Variants in IGF2BP3 observed in about 807,000 individuals in gnomAD.
IGF2BP3 encodes insulin-like growth factor 2 mRNA-binding protein 3.
Under a neutral mutation model 73.8 loss-of-function variants are expected in IGF2BP3, and 9 were observed. That is an observed-to-expected ratio of 0.12 (90% CI 0.07 to 0.21). The LOEUF (loss-of-function observed/expected upper bound fraction) is 0.21. Ranked by LOEUF, IGF2BP3 falls within the 10% of genes least tolerant of loss-of-function variation. The probability of loss-of-function intolerance (pLI) is 1.00; values close to 1 mark genes in which losing one functional copy is unlikely to be tolerated. For missense variants in IGF2BP3, 542 were observed against 714.0 expected (o/e 0.76, Z 2.75); for synonymous variants, 258 against 256.7 (o/e 1.01, Z -0.05).
At chr7:23,464,252 A>T (rs1788512937) in intron 2 of IGF2BP3, among the ~76,000 whole-genome samples, 1 of 152,236 alleles carries the variant, frequency 6.6e-6, no homozygotes, top group Non-Finnish European at 1.5e-5. Context: ...AGTTACATTT[A>T]AAACCCCGAT....
chr7:23,337,302 T>C (rs1454861640), intron 10 of IGF2BP3, among the ~76,000 whole-genome samples: 1 of 152,188 alleles, frequency 6.6e-6, no homozygotes, highest in Non-Finnish European at 1.5e-5. Context: ...GACAATATGA[T>C]TTTCTGAATA....
chr7:23,410,233 T>C (rs963313573), intron 3 of IGF2BP3, among the ~76,000 whole-genome samples: 1 of 151,974 alleles, frequency 6.6e-6, no homozygotes, highest in Admixed American at 6.6e-5. Flanking sequence ...GGTATGCACC[T>C]GTAGTCCCAG....
At chr7:23,386,278 T>C (rs1562717813) in intron 3 of IGF2BP3, among the ~76,000 whole-genome samples, 1 of 151,596 alleles carries the variant, frequency 6.6e-6, no homozygotes, top group Non-Finnish European at 1.5e-5. Flanking sequence ...GCAGATGGAG[T>C]GCCTGAGCCA....
intron 3 of IGF2BP3, among the ~76,000 whole-genome samples, chr7:23,389,803 G>A (rs1180405401): frequency 6.7e-6 from 1 of 149,260 alleles, no homozygotes; most frequent in Non-Finnish European, 1.5e-5. Context: ...AGACCAGCCT[G>A]GGCAACATAG....
intron 3 of IGF2BP3, among the ~76,000 whole-genome samples, chr7:23,380,223 G>A (rs1260004491): frequency 7.1e-6 from 1 of 141,202 alleles, no homozygotes; most frequent in African/African-American, 2.7e-5. Context: ...GAGAGCAGTG[G>A]CACGATCTCA....
intron 3 of IGF2BP3, among the ~76,000 whole-genome samples, chr7:23,398,133 G>C (rs1005966442): frequency 7.0e-6 from 1 of 143,578 alleles, no homozygotes; most frequent in African/African-American, 2.6e-5. Flanking sequence ...TCATTGTTCA[G>C]TTCCCACCTA....
chr7:23,352,115 A>G (rs1042082249), intron 5 of IGF2BP3, among the ~76,000 whole-genome samples: 2 of 152,108 alleles, frequency 1.3e-5, no homozygotes, highest in African/African-American at 4.8e-5. Flanking sequence ...GACTATTCTG[A>G]GTATTAAATT....
At chr7:23,315,146 G>C (rs1431019948) in intron 12 of IGF2BP3, among the ~76,000 whole-genome samples, 1 of 150,474 alleles carries the variant, frequency 6.6e-6, no homozygotes, top group African/African-American at 2.5e-5. Context: ...TTTTTTTAGA[G>C]ACAGAGTCTC....
At chr7:23,441,673 AC>A (rs1787940401) in intron 2 of IGF2BP3, among the ~76,000 whole-genome samples, 1 of 148,524 alleles carries the variant, frequency 6.7e-6, no homozygotes, top group Admixed American at 6.8e-5. Flanking sequence ...AACTGCTCCC[AC>A]CTCTACCAGA....
intron 3 of IGF2BP3, among the ~76,000 whole-genome samples, chr7:23,399,183 T>C (rs944420968): frequency 1.3e-5 from 2 of 152,112 alleles, no homozygotes; most frequent in Non-Finnish European, 2.9e-5. Context: ...TCCCCATTTC[T>C]TGTTTTTGTC....
intron 3 of IGF2BP3, among the ~76,000 whole-genome samples, chr7:23,403,314 T>C (rs1290702872): frequency 6.6e-6 from 1 of 152,236 alleles, no homozygotes; most frequent in South Asian, 2.1e-4. Context: ...GTACAAGCAC[T>C]TAGCTATTTC....
chr7:23,406,887 T>C (rs967683244), intron 3 of IGF2BP3, among the ~76,000 whole-genome samples: 1 of 152,096 alleles, frequency 6.6e-6, no homozygotes, highest in African/African-American at 2.4e-5. Context: ...TTTACAATCC[T>C]TTAGCTAGAC....
Position 23,361,586 on chromosome 7 carries a change from A to C in IGF2BP3, c.349T>G (p.Ser117Ala), listed in dbSNP as rs547179518. The change falls in exon 5 of 15, where the codon TCG becomes GCG. Residue 117 changes from serine (S) to alanine (A), a missense_variant. Around this residue, in one of 2 missense-constraint regions of IGF2BP3, gnomAD observed 239 missense variants for 241.9 expected, o/e 0.99. Coordinates refer to ENST00000258729, the MANE Select transcript of IGF2BP3 (RefSeq NM_006547.3). ...GTTACATTTACAACTGCAGTTTCCG[A>C]GTCAGTGTTCACTAGAGGAAGAGAA... ...VESCEQVNTD[S>A]ETAVVNVTYS... is the part of the protein sequence containing the mutation. 12 of 1,613,456 alleles carry C rather than the reference A, an allele frequency of 7.4e-6. No homozygotes were observed. In the East Asian group the frequency reaches 2.2e-4, roughly 30 times the overall value.
At chr7:23,428,625 T>C (rs746787886) in intron 2 of IGF2BP3, among the ~76,000 whole-genome samples, 1 of 151,040 alleles carries the variant, frequency 6.6e-6, no homozygotes, top group Non-Finnish European at 1.5e-5. Context: ...GAAAACCGCT[T>C]GGGCCCACGA....
chr7:23,348,753 G>A (rs1361401286), intron 6 of IGF2BP3, among the ~76,000 whole-genome samples: 4 of 152,106 alleles, frequency 2.6e-5, no homozygotes, highest in Non-Finnish European at 5.9e-5. Context: ...AATGTCTACG[G>A]GGGTTGGGGC....
chr7:23,344,497 T>G (rs143129909), intron 8 of IGF2BP3, among the ~76,000 whole-genome samples: 2 of 152,258 alleles, frequency 1.3e-5, no homozygotes, highest in Admixed American at 6.5e-5. Flanking sequence ...AAACGTTAGA[T>G]AGTGGCAGAA....
chr7:23,423,500 A>G (rs1206680037), intron 2 of IGF2BP3, among the ~76,000 whole-genome samples: 1 of 152,232 alleles, frequency 6.6e-6, no homozygotes, highest in Admixed American at 6.5e-5. Context: ...ATAAATTAGC[A>G]TTTCACCATC....
chr7:23,416,696 A>G (rs1369641740), intron 3 of IGF2BP3, among the ~76,000 whole-genome samples: 1 of 152,198 alleles, frequency 6.6e-6, no homozygotes, highest in Non-Finnish European at 1.5e-5. Flanking sequence ...CAGAACTGCA[A>G]AATTATCGCT....
chr7:23,352,713 C>A (rs1438413027), intron 5 of IGF2BP3, among the ~76,000 whole-genome samples: 1 of 152,150 alleles, frequency 6.6e-6, no homozygotes, highest in Non-Finnish European at 1.5e-5. Flanking sequence ...CACACCAGGG[C>A]CCCGGAAGCC....
Sources: allele counts gnomAD v4.1 joint callset (sites outside exome capture counted in the v4.1 genomes callset), GRCh38; gene constraint gnomAD v4.1.1; regional missense constraint gnomAD v4.1.1; transcripts MANE v1.5; gene names NCBI Gene and HGNC (gene_info 2026-07-23, HGNC 2026-07-21).